The following HAVCR1 variants were observed in gnomAD, a reference collection of about 807,000 sequenced individuals.
The protein encoded by HAVCR1 is T cell immunoglobin domain and mucin domain protein 1.
In HAVCR1, 34 loss-of-function variants were observed where a neutral mutation model predicts 32.0. The ratio of observed to expected loss-of-function variants is 1.06; its 90% CI spans 0.81 to 1.42. The LOEUF (loss-of-function observed/expected upper bound fraction) is 1.42, where lower values mean the gene tolerates loss of function less well. Among genes scored for constraint, HAVCR1 ranks in the 40% most tolerant of loss-of-function variants. The pLI, the probability that HAVCR1 is intolerant of heterozygous loss-of-function variation, is 0.00. For missense variants in HAVCR1, 420 were observed against 442.3 expected, an observed-to-expected ratio of 0.95 and a Z score of 0.45; for synonymous variants, 178 against 170.3, an observed-to-expected ratio of 1.05 and a Z score of -0.35.
At chr5:157,044,617 G>GAAAGAAAGAAAGAAAGAA (rs1561591160) in intron 5 of HAVCR1, among the ~76,000 whole-genome samples, 67 of 32,002 alleles carry the variant, frequency 2.1e-3, no homozygotes, top group Middle Eastern at 0.014. Flanking sequence ...GAAAGAAAGA[G>GAAAGAAAGAAAGAAAGAA]AAAGAAAGAA....
upstream of HAVCR1, among the ~76,000 whole-genome samples, chr5:157,059,331 C>A (rs1756409868): frequency 6.6e-6 from 1 of 152,170 alleles, no homozygotes; most frequent in South Asian, 2.1e-4. Context: ...TGACAGGGTT[C>A]ATGGGGAAGT....
chr5:157,034,549 T>C (rs1754414092), intron 7 of HAVCR1, among the ~76,000 whole-genome samples: 1 of 151,174 alleles, frequency 6.6e-6, no homozygotes. Flanking sequence ...CTTTCACTAA[T>C]CCTCAGCACA....
chr5:157,057,054 C>T (rs373462775), intron 2 of HAVCR1, among the ~76,000 whole-genome samples: 29 of 152,002 alleles, frequency 1.9e-4, no homozygotes, highest in East Asian at 5.8e-4. Flanking sequence ...CGGTGACTCA[C>T]GCCTATAATT....
intron 5 of HAVCR1, among the ~76,000 whole-genome samples, chr5:157,044,486 AGG>A (rs1755167532): frequency 1.5e-5 from 1 of 66,902 alleles, no homozygotes; most frequent in Admixed American, 1.9e-4. Context: ...GAAGGAAGGA[AGG>A]AAGGAAGGAA....
intron 8 of HAVCR1, among the ~76,000 whole-genome samples, chr5:157,031,552 G>A (rs147447016): frequency 3.3e-5 from 5 of 152,200 alleles, no homozygotes; most frequent in South Asian, 2.1e-4. Context: ...GGCCAGGTGC[G>A]GTCCCTCACG....
upstream of HAVCR1, among the ~76,000 whole-genome samples, chr5:157,061,518 G>A (rs1316134841): frequency 6.6e-6 from 1 of 151,798 alleles, no homozygotes; most frequent in Non-Finnish European, 1.5e-5. Context: ...AACCAGCCTG[G>A]CCAACATGGT....
chr5:157,029,770 T>A lies in HAVCR1; in HGVS notation c.1058A>T (p.Asn353Ile). ...AVEKEVQAED[N>I]IYIENSLYAT... ...ATAAAGACTATTCTCAATGTAGATA[T>A]TGTCTTCTGCTTGGACTTCCTTTTC... The change falls in exon 9 of 9, where the codon AAT (asparagine) becomes ATT (isoleucine). Residue 353 changes from asparagine (N) to isoleucine (I), a missense_variant. Transcript: ENST00000523175. 1 of 1,612,454 alleles carries A rather than the reference T, an allele frequency of 6.2e-7. No homozygotes were observed. The highest frequency in any genetic ancestry group is 8.5e-7 in the Non-Finnish European group (1 of 1,179,306).
chr5:157,053,047 G>A (rs1439464548), intron 3 of HAVCR1, among the ~76,000 whole-genome samples: 2 of 152,018 alleles, frequency 1.3e-5, no homozygotes, highest in Non-Finnish European at 2.9e-5. Flanking sequence ...CAAGTAGCTG[G>A]GACTACATGC....
intron 5 of HAVCR1, among the ~76,000 whole-genome samples, chr5:157,045,998 G>A (rs913890854): frequency 1.2e-4 from 18 of 152,102 alleles, no homozygotes; most frequent in Non-Finnish European, 2.2e-4. Flanking sequence ...CCACTGTTAC[G>A]TTGTGTTTTT....
intron 2 of HAVCR1, among the ~76,000 whole-genome samples, chr5:157,056,474 G>A (rs1447141954): frequency 6.6e-6 from 1 of 150,630 alleles, no homozygotes. Context: ...CCGCCTCCCA[G>A]GTTCACGCCA....
At chr5:157,061,567 C>T (rs369219958), upstream of HAVCR1, among the ~76,000 whole-genome samples, 18 of 152,076 alleles carry the variant, frequency 1.2e-4, no homozygotes, top group African/African-American at 4.1e-4. Context: ...ATTAGCCAGG[C>T]GTGGTGGCGG....
At chr5:157,065,345 A>T in the HAVCR1 span, among the ~76,000 whole-genome samples, 1 of 152,128 alleles carries the variant, frequency 6.6e-6, no homozygotes, top group Non-Finnish European at 1.5e-5. Context: ...AGGAGCCTGA[A>T]TGAGGTAGGA....
Position 157,055,354 on chromosome 5 carries a change from G to A in HAVCR1, c.226C>T (p.Arg76Cys), listed in dbSNP as rs777468511. 48 of 1,613,356 alleles carry A rather than the reference G, an allele frequency of 3.0e-5. No individual in the cohort carries two copies. The South Asian group carries it at 4.0e-4, about 13-fold the overall frequency. Residue 76 changes from arginine to cysteine, a missense_variant, in exon 3 of 9, where the codon CGC (arginine) becomes TGC (cysteine). By Grantham distance (180) the Arg-to-Cys change is radical. Coordinates refer to ENST00000523175, the MANE Select transcript of HAVCR1 (RefSeq NM_001173393.3). ...GTHVTYRKDT[R>C]YKLLGDLSRR... ...GAAAGGTCCCCCAATAGCTTATAGC[G>A]TGTGTCCTTCCGATAGGTGACGTGG...
At chr5:157,039,014 G>A (rs559453729) in intron 6 of HAVCR1, among the ~76,000 whole-genome samples, 1 of 152,218 alleles carries the variant, frequency 6.6e-6, no homozygotes, top group East Asian at 1.9e-4. Context: ...AGCTACTTGG[G>A]AGGCTTGGGG....
chr5:157,060,852 A>G (rs1232543225), upstream of HAVCR1, among the ~76,000 whole-genome samples: 2 of 152,096 alleles, frequency 1.3e-5, no homozygotes, highest in East Asian at 3.8e-4. Context: ...CTAGCCACAT[A>G]TGACTATTGA....
At chr5:157,065,052 G>A in the HAVCR1 span, among the ~76,000 whole-genome samples, 2 of 152,180 alleles carry the variant, frequency 1.3e-5, no homozygotes, top group Non-Finnish European at 2.9e-5. Flanking sequence ...TATTGGCTGG[G>A]TGCGGTGGCT....
At chr5:157,068,809 C>T in the HAVCR1 span, among the ~76,000 whole-genome samples, 3 of 152,224 alleles carry the variant, frequency 2.0e-5, no homozygotes, top group East Asian at 5.8e-4. Flanking sequence ...GCGGATCTCA[C>T]TATGTCGCCT....
rs1445638698 is a variant in HAVCR1 at position 157,029,711 on chromosome 5, T to G, written c.*22A>C. ...GTCTTCTGCACTCATGGGCGTAAACTCTCAAAGAGCACCACTGGGTCTTAG... is the reference window on the plus strand; with the variant it reads ...GTCTTCTGCACTCATGGGCGTAAACGCTCAAAGAGCACCACTGGGTCTTAG... On this transcript the variant is annotated 3_prime_UTR_variant, in exon 9 of 9. Coordinates refer to ENST00000523175, the MANE Select transcript of HAVCR1 (RefSeq NM_001173393.3). 5 of 1,612,722 alleles carry G rather than the reference T, an allele frequency of 3.1e-6. No individual in the cohort carries two copies. Among genetic ancestry groups the G allele is most frequent in the Non-Finnish European group, 4.2e-6 (5 of 1,179,932 alleles).
intron 6 of HAVCR1, among the ~76,000 whole-genome samples, chr5:157,041,664 T>C (rs2113534010): frequency 6.6e-6 from 1 of 152,342 alleles, no homozygotes; most frequent in South Asian, 2.1e-4. Context: ...ATTTTACTTT[T>C]GTTTGGGGCA....
Sources: gnomAD v4.1 joint callset for allele counts (sites outside exome capture counted in the v4.1 genomes callset) on GRCh38, gnomAD v4.1.1 for gene constraint, MANE v1.5 for transcripts, NCBI Gene and HGNC (gene_info 2026-07-23, HGNC 2026-07-21) for gene names.